Variants in MGAT4C observed in about 807,000 individuals in gnomAD.
The protein encoded by MGAT4C is MGAT4 family member C.
In MGAT4C, 19 loss-of-function variants were observed where a neutral mutation model predicts 40.1. That is an observed-to-expected ratio of 0.47 (90% CI 0.33 to 0.70). The LOEUF is 0.70. Among genes scored for constraint, MGAT4C ranks in the 30% least tolerant of loss-of-function variants. The probability of loss-of-function intolerance (pLI) is 0.02; values close to 1 mark genes in which losing one functional copy is unlikely to be tolerated. For missense variants in MGAT4C, 491 were observed against 563.2 expected, an observed-to-expected ratio of 0.87 and a Z score of 1.30; for synonymous variants, 181 against 187.1, an observed-to-expected ratio of 0.97 and a Z score of 0.27.
At chr12:86,428,427 T>G (rs1436877547) in intron 3 of MGAT4C, among the ~76,000 whole-genome samples, 1 of 152,168 alleles carries the variant, frequency 6.6e-6, no homozygotes, top group Non-Finnish European at 1.5e-5. Context: ...TACAGGCATG[T>G]GCCACCATGC....
At chr12:86,792,805 C>T (rs1593212106) in intron 1 of MGAT4C, among the ~76,000 whole-genome samples, 1 of 152,202 alleles carries the variant, frequency 6.6e-6, no homozygotes, top group South Asian at 2.1e-4. Context: ...GTGGCGGACA[C>T]CTGTAATCCC....
At chr12:86,032,098 G>A (rs758565413) in intron 2 of MGAT4C, among the ~76,000 whole-genome samples, 6 of 151,790 alleles carry the variant, frequency 4.0e-5, no homozygotes, top group South Asian at 2.1e-4. Context: ...ACATAAACTC[G>A]TTGTTCCTTA....
chr12:86,060,176 C>T lies in MGAT4C; in HGVS notation c.-56-10453G>A, dbSNP rs557000947. ...TCAAGGGCTCTACTAAGCTTTCTGA[C>T]ACACAAAGGTAGGCCCCTAGGTAGA... is the stretch of plus-strand genomic sequence containing the variant. On this transcript the variant is annotated intron_variant, in intron 1 of 4. Transcript: ENST00000611864. Among the ~76,000 whole-genome samples the T allele has an allele frequency of 1.2e-3, 177 of 152,124 alleles. 1 individual carries two copies. Among genetic ancestry groups the T allele is most frequent in the Non-Finnish European group, 2.3e-3 (155 of 68,022 alleles).
At chr12:86,547,566 A>C (rs1959202323) in intron 2 of MGAT4C, among the ~76,000 whole-genome samples, 1 of 152,132 alleles carries the variant, frequency 6.6e-6, no homozygotes, top group Admixed American at 6.5e-5. Flanking sequence ...ACATATGACA[A>C]TGTCCAATTT....
chr12:86,353,805 C>T (rs1003263348), intron 3 of MGAT4C, among the ~76,000 whole-genome samples: 2 of 152,170 alleles, frequency 1.3e-5, no homozygotes, highest in African/African-American at 4.8e-5. Flanking sequence ...CTGCCTCTCT[C>T]TCTCTCTTTC....
intron 4 of MGAT4C, among the ~76,000 whole-genome samples, chr12:86,266,683 A>T (rs1265834971): frequency 6.6e-6 from 1 of 151,982 alleles, no homozygotes; most frequent in East Asian, 1.9e-4. Flanking sequence ...CCTCTTCCTC[A>T]ATTTTTTGAA....
rs147066106 is a variant in MGAT4C at position 86,396,820 on chromosome 12, T to C, written c.-120+38337A>G. 4.8e-3 allele frequency among the ~76,000 whole-genome samples: 730 copies of C among 152,300 alleles called. 4 individuals are homozygous for C. The highest frequency in any genetic ancestry group is 5.6e-3 in the Non-Finnish European group (384 of 68,028). On this transcript the variant is annotated intron_variant, in intron 3 of 7. Coordinates refer to the MGAT4C transcript ENST00000548651. ...GTAGCTATTATGGTAGCCATAACTG[T>C]TATAATAAAAATACTTTCAGACACT...
intron 1 of MGAT4C, among the ~76,000 whole-genome samples, chr12:86,127,229 C>G (rs1383861873): frequency 6.6e-6 from 1 of 152,164 alleles, no homozygotes; most frequent in Non-Finnish European, 1.5e-5. Context: ...AGGCTACAAA[C>G]CTGTACAGTA....
At position 86,538,735 on chromosome 12, in the gene MGAT4C, G is replaced by A. The variant is rs763156263; in HGVS notation, c.-228-103470C>T. ...CCATTCTCCTGCCTCAGCCTCCGGA[G>A]TAGCTGGGACTACAGGCGCCCGCCA... is the stretch of plus-strand genomic sequence containing the variant. On this transcript the variant is annotated intron_variant, in intron 2 of 7. Coordinates refer to the MGAT4C transcript ENST00000548651. 8.6e-5 allele frequency among the ~76,000 whole-genome samples: 13 copies of A among 151,644 alleles called. No individual in the cohort carries two copies. In the East Asian group the frequency reaches 1.2e-3, roughly 14 times the overall value.
At chr12:86,212,155 G>A (rs538082161) in intron 1 of MGAT4C, among the ~76,000 whole-genome samples, 33 of 152,142 alleles carry the variant, frequency 2.2e-4, no homozygotes, top group Middle Eastern at 3.4e-3. Context: ...TACCCATCTC[G>A]TTTGCATATC....
At position 86,548,720 on chromosome 12, in the gene MGAT4C, T is replaced by G. The variant is rs1167942130; in HGVS notation, c.-228-113455A>C. Among the ~76,000 whole-genome samples, 3 of 152,174 alleles carry G rather than the reference T, an allele frequency of 2.0e-5. No individual in the cohort carries two copies. The East Asian group carries it at 5.8e-4, about 29-fold the overall frequency. On this transcript the variant is annotated intron_variant, in intron 2 of 7. Coordinates refer to the MGAT4C transcript ENST00000548651. ...TTGAGTGTGTGATTTTTGAGAAATG[T>G]ACATGATTACTAGCTGGGCCATAGT...
At chr12:86,065,745 A>G (rs750970830) in intron 1 of MGAT4C, among the ~76,000 whole-genome samples, 2 of 152,178 alleles carry the variant, frequency 1.3e-5, no homozygotes, top group South Asian at 2.1e-4. Flanking sequence ...AAGGTATTCA[A>G]TTAGGAAAAG....
chr12:86,122,839 C>A (rs1879613964), intron 1 of MGAT4C, among the ~76,000 whole-genome samples: 1 of 152,020 alleles, frequency 6.6e-6, no homozygotes, highest in South Asian at 2.1e-4. Flanking sequence ...ATTCTTAATA[C>A]ATCATCAAAG....
rs28863233 is a variant in MGAT4C at position 86,381,578 on chromosome 12, T to C, written c.-119-47451A>G. Among the ~76,000 whole-genome samples, 1,227 of 152,250 alleles carry C rather than the reference T, an allele frequency of 8.1e-3. 23 individuals carry two copies. Among genetic ancestry groups the C allele is most frequent in the African/African-American group, 0.028 (1,179 of 41,548 alleles). On this transcript the variant is annotated intron_variant, in intron 3 of 7. Coordinates refer to the MGAT4C transcript ENST00000548651. ...GGCAGATCTTTCCCACCTAATACCTTCAGACTCACACACTAGTCTCTGGAA... is the reference window on the plus strand; with the variant it reads ...GGCAGATCTTTCCCACCTAATACCTCCAGACTCACACACTAGTCTCTGGAA...
At chr12:86,354,499 T>C (rs571742624) in intron 3 of MGAT4C, among the ~76,000 whole-genome samples, 19 of 152,014 alleles carry the variant, frequency 1.2e-4, no homozygotes, top group Non-Finnish European at 2.5e-4. Context: ...CAAAAGCCCT[T>C]GAAATGAATG....
intron 1 of MGAT4C, among the ~76,000 whole-genome samples, chr12:86,818,142 T>C (rs1367411636): frequency 6.6e-6 from 1 of 151,256 alleles, no homozygotes; most frequent in African/African-American, 2.4e-5. Context: ...AATGTGCCAA[T>C]AAAGATACAC....
At chr12:86,263,038 C>T (rs1400498265) in intron 4 of MGAT4C, among the ~76,000 whole-genome samples, 3 of 151,950 alleles carry the variant, frequency 2.0e-5, no homozygotes, top group South Asian at 2.1e-4. Flanking sequence ...AAGGTGAAAG[C>T]TTTCTTTTCC....
intron 1 of MGAT4C, among the ~76,000 whole-genome samples, chr12:86,117,762 A>G (rs940910384): frequency 9.2e-5 from 14 of 152,192 alleles, no homozygotes; most frequent in African/African-American, 3.4e-4. Context: ...CATTAGGGCC[A>G]GTGGAACTCC....
At chr12:86,455,837 C>A (rs918274030) in intron 2 of MGAT4C, among the ~76,000 whole-genome samples, 6 of 151,926 alleles carry the variant, frequency 3.9e-5, no homozygotes, top group Non-Finnish European at 8.8e-5. Context: ...CCATTATTCG[C>A]AAGGTCTGGT....
Sources: allele counts gnomAD v4.1 joint callset (sites outside exome capture counted in the v4.1 genomes callset), GRCh38; gene constraint gnomAD v4.1.1; transcripts MANE v1.5; gene names NCBI Gene and HGNC (gene_info 2026-07-23, HGNC 2026-07-21).